Variants in DCDC1 observed in about 807,000 individuals in gnomAD.
DCDC1 encodes doublecortin domain containing 1, also known as doublecortin domain-containing protein 1.
A neutral mutation model predicts 178.3 loss-of-function variants in DCDC1; 200 were observed. The observed-to-expected ratio is 1.12, with a 90% confidence interval of 1.00 to 1.26. The LOEUF is 1.26. Among genes scored for constraint, DCDC1 ranks in the 50% most tolerant of loss-of-function variants. The pLI is 0.00. For synonymous variants in DCDC1, 690 were observed against 604.8 expected (o/e 1.14, Z -2.07); for missense variants, 1,983 against 1,749.2 (o/e 1.13, Z -2.38).
At chr11:31,218,660 T>C (rs1973878196) in intron 9 of DCDC1, among the ~76,000 whole-genome samples, 1 of 152,160 alleles carries the variant, frequency 6.6e-6, no homozygotes, top group Non-Finnish European at 1.5e-5. Flanking sequence ...TAATAAAATG[T>C]AACAGCTAAA....
At chr11:31,215,452 C>G (rs1222783692) in intron 9 of DCDC1, among the ~76,000 whole-genome samples, 2 of 152,022 alleles carry the variant, frequency 1.3e-5, no homozygotes, top group Admixed American at 6.6e-5. Context: ...AATTGTAAAT[C>G]TTTTGTTAGC....
intron 7 of DCDC1, among the ~76,000 whole-genome samples, chr11:31,273,298 C>T (rs1945722064): frequency 1.3e-5 from 2 of 152,182 alleles, no homozygotes; most frequent in Non-Finnish European, 2.9e-5. Flanking sequence ...TTATGCTCTG[C>T]TTCCTTTATA....
intron 9 of DCDC1, among the ~76,000 whole-genome samples, chr11:31,202,121 T>C (rs1971355738): frequency 6.6e-6 from 1 of 152,210 alleles, no homozygotes; most frequent in Non-Finnish European, 1.5e-5. Flanking sequence ...TCATGTGCCA[T>C]GAAAAAATAC....
At chr11:31,142,349 G>A (rs1040750079) in intron 9 of DCDC1, among the ~76,000 whole-genome samples, 7 of 152,204 alleles carry the variant, frequency 4.6e-5, no homozygotes, top group Non-Finnish European at 2.9e-5. Context: ...CCAGGCATTG[G>A]TTTGAAAAGT....
intron 20 of DCDC1, among the ~76,000 whole-genome samples, chr11:30,983,107 T>C (rs1197581744): frequency 6.6e-6 from 1 of 152,142 alleles, no homozygotes; most frequent in African/African-American, 2.4e-5. Flanking sequence ...TAAGAAAATG[T>C]CTTTTATGTG....
intron 9 of DCDC1, among the ~76,000 whole-genome samples, 165 bp from the exon 10 acceptor site, chr11:31,137,949 T>C (rs1963356759): frequency 6.6e-6 from 1 of 152,218 alleles, no homozygotes; most frequent in Admixed American, 6.5e-5. Context: ...ATTTAAAACA[T>C]TTAACAAACT....
chr11:31,340,988 G>C (rs1021854409), intron 1 of DCDC1, among the ~76,000 whole-genome samples: 22 of 152,118 alleles, frequency 1.4e-4, no homozygotes, highest in African/African-American at 5.1e-4. Context: ...GAGGTATCTG[G>C]CAAGCAGTTA....
chr11:30,881,146 T>C lies in DCDC1; in HGVS notation c.5233+12A>G, dbSNP rs772532429. ...TTCAAAGACTTGATGGAAAAGAAAC[T>C]ATCATGCATACCTTTTGGGGTTTTG... On this transcript the variant is annotated intron_variant, in intron 37 of 38. Coordinates refer to ENST00000684477, the MANE Select transcript of DCDC1 (RefSeq NM_001387274.1). 6.1e-5 allele frequency: 98 copies of C among 1,611,672 alleles called. No homozygotes were observed. The South Asian group carries it at 1.0e-3, about 17-fold the overall frequency.
chr11:31,250,630 G>GC (rs1486684538), intron 8 of DCDC1, among the ~76,000 whole-genome samples: 1 of 151,560 alleles, frequency 6.6e-6, no homozygotes, highest in East Asian at 2.0e-4. Context: ...CAGAACAGGA[G>GC]CAGTGCTAGA....
intron 1 of DCDC1, among the ~76,000 whole-genome samples, chr11:31,341,812 T>TACACATAC (rs1555184214): frequency 6.9e-6 from 1 of 144,470 alleles, no homozygotes; most frequent in Non-Finnish European, 1.5e-5. Context: ...TGCATGACTA[T>TACACATAC]ACACACACAC....
intron 7 of DCDC1, among the ~76,000 whole-genome samples, chr11:31,267,782 T>C (rs1945268722): frequency 6.6e-6 from 1 of 151,820 alleles, no homozygotes; most frequent in Non-Finnish European, 1.5e-5. Flanking sequence ...TAAACTGGAG[T>C]TTGTCTGTGG....
intron 10 of DCDC1, among the ~76,000 whole-genome samples, chr11:31,131,535 T>C (rs903468300): frequency 5.3e-5 from 8 of 152,186 alleles, no homozygotes; most frequent in Admixed American, 2.0e-4. Context: ...AGCAGTATTA[T>C]CCTTAAAAAA....
chr11:31,162,813 T>C (rs557798279), intron 9 of DCDC1, among the ~76,000 whole-genome samples: 1 of 152,332 alleles, frequency 6.6e-6, no homozygotes, highest in East Asian at 1.9e-4. Flanking sequence ...ATTATAGATA[T>C]ATTCCCTACT....
rs900433254 is a variant in DCDC1 at position 31,102,188 on chromosome 11, G to C, written c.1972C>G (p.Leu658Val). ...FEKVDLENHF[L>V]QNKVDPNIVL... Reference sequence around the variant, plus strand: ...AACTAAAATCCCACCTTGTTCTGTAGAAAATGGTTCTCCAAGTCCACCTTT... The same window carrying C: ...AACTAAAATCCCACCTTGTTCTGTACAAAATGGTTCTCCAAGTCCACCTTT... The change falls in exon 15 of 39, where the codon CTA (leucine) becomes GTA (valine). Residue 658 changes from leucine to valine, a missense_variant. Transcript: ENST00000684477. 6 of 718,578 alleles carry C rather than the reference G, an allele frequency of 8.3e-6. No individual in the cohort carries two copies. Among genetic ancestry groups the C allele is most frequent in the Non-Finnish European group, 1.3e-5 (5 of 389,366 alleles). 44.5% of individuals were successfully genotyped at this position (718,578 alleles called of 1,614,324 possible). A position where few individuals can be genotyped will look rare whatever the true frequency, so the allele number is the denominator to read the frequency against.
At chr11:30,873,360 T>TAGAG (rs1318294592) in intron 38 of DCDC1, among the ~76,000 whole-genome samples, 2,076 of 138,530 alleles carry the variant, frequency 0.015, 35 homozygotes, top group African/African-American at 0.042. Context: ...TATATATATA[T>TAGAG]ATATAGAGAG....
intron 20 of DCDC1, among the ~76,000 whole-genome samples, chr11:31,046,363 T>G (rs543847343): frequency 2.0e-5 from 3 of 152,014 alleles, no homozygotes; most frequent in South Asian, 2.1e-4. Flanking sequence ...AAATATGGAG[T>G]GCTACCCAAT....
At chr11:31,047,541 A>G (rs377424561) in intron 20 of DCDC1, among the ~76,000 whole-genome samples, 2 of 152,326 alleles carry the variant, frequency 1.3e-5, no homozygotes, top group East Asian at 3.9e-4. Flanking sequence ...CTACATTTCA[A>G]CTTTCTCAAG....
chr11:31,210,710 CAAA>C (rs533444227), intron 9 of DCDC1, among the ~76,000 whole-genome samples: 4 of 51,402 alleles, frequency 7.8e-5, no homozygotes, highest in Non-Finnish European at 1.2e-4. Flanking sequence ...GACTCCGTCT[CAAA>C]AAAAAAAAAA....
At chr11:31,341,983 T>C (rs931118109) in intron 1 of DCDC1, among the ~76,000 whole-genome samples, 5 of 152,128 alleles carry the variant, frequency 3.3e-5, no homozygotes, top group Non-Finnish European at 7.4e-5. Context: ...TGTCAGGTGA[T>C]GGATGCCAAT....
Sources: gnomAD v4.1 joint callset for allele counts (sites outside exome capture counted in the v4.1 genomes callset) on GRCh38, gnomAD v4.1.1 for gene constraint, MANE v1.5 for transcripts, NCBI Gene and HGNC (gene_info 2026-07-23, HGNC 2026-07-21) for gene names.